The following ZNF560 variants were observed in gnomAD, a reference collection of about 807,000 sequenced individuals.
ZNF560 encodes the protein zinc finger protein 560.
ZNF560 carries 54 observed loss-of-function variants against 81.8 expected under a neutral mutation model. That is an observed-to-expected ratio of 0.66 (90% CI 0.53 to 0.83). ZNF560 has a LOEUF of 0.83. Among genes scored for constraint, ZNF560 ranks in the 40% least tolerant of loss-of-function variants. ZNF560 has a pLI of 0.00. For missense variants in ZNF560, 940 were observed against 932.4 expected (o/e 1.01, Z -0.11); for synonymous variants, 321 against 317.9 (o/e 1.01, Z -0.10).
chr19:9,492,382 G>A (rs775566081), intron 2 of ZNF560, among the ~76,000 whole-genome samples: 2 of 152,170 alleles, frequency 1.3e-5, no homozygotes, highest in Non-Finnish European at 2.9e-5. Context: ...AACTAGTAGA[G>A]AGGCAAATCC....
At chr19:9,457,641 G>A in the ZNF560 span, among the ~76,000 whole-genome samples, 1,217 of 152,244 alleles carry the variant, frequency 8.0e-3, 16 homozygotes, top group African/African-American at 0.026. Context: ...AGCTCCTGAC[G>A]CAATTCAGAC....
At chr19:9,463,646 A>G (rs559687450), downstream of ZNF560, among the ~76,000 whole-genome samples, 16 of 152,300 alleles carry the variant, frequency 1.1e-4, no homozygotes, top group African/African-American at 3.6e-4. Flanking sequence ...CCATAAGAAA[A>G]CATGTAACAT....
rs139799240 is a variant in ZNF560 at position 9,467,088 on chromosome 19, C to T, written c.1859G>A (p.Arg620Gln). ...TERSDLTKHL[R>Q]RHTGDKPYEY... ...ATAGGGCTTATCTCCAGTGTGTCTTCGTAAATGTTTAGTAAGATCTGAGCG... is the reference window on the plus strand; with the variant it reads ...ATAGGGCTTATCTCCAGTGTGTCTTTGTAAATGTTTAGTAAGATCTGAGCG... Residue 620 changes from arginine to glutamine, a missense_variant, in exon 10 of 10, where the codon CGA becomes CAA. Coordinates refer to ENST00000301480, the MANE Select transcript of ZNF560 (RefSeq NM_152476.3). The T allele has an allele frequency of 2.5e-5, 40 of 1,613,958 alleles. No homozygotes were observed. The highest frequency in any genetic ancestry group is 1.1e-4 in the African/African-American group (8 of 75,026).
Position 9,468,090 on chromosome 19 carries a change from CA to C in ZNF560, c.856del (p.Cys286ValfsTer52), listed in dbSNP as rs1225063608. The C allele has an allele frequency of 6.2e-7, 1 of 1,614,086 alleles. No homozygotes were observed. The highest frequency in any genetic ancestry group is 8.5e-7 in the Non-Finnish European group (1 of 1,180,052). On this transcript the variant is annotated frameshift_variant, in exon 10 of 10. Transcript: ENST00000301480. LOFTEE classifies it high-confidence loss of function. The part of the protein sequence containing the change: ...LILNVQVQRK[C>X]TQDKSFEGTD... Reference sequence around the variant, plus strand: ...GCCTTCAAAGGATTTATCTTGTGTACACTTTCTCTGGACCTGAACATTTAAA... The same window carrying C: ...GCCTTCAAAGGATTTATCTTGTGTACCTTTCTCTGGACCTGAACATTTAAA...
chr19:9,472,988 T>A (rs1568455117), intron 5 of ZNF560, among the ~76,000 whole-genome samples, 191 bp downstream of exon 5: 1 of 152,204 alleles, frequency 6.6e-6, no homozygotes, highest in Non-Finnish European at 1.5e-5. Flanking sequence ...TTTCTGAGGC[T>A]CTCACCTGAA....
At chr19:9,505,663 T>C in the ZNF560 span, among the ~76,000 whole-genome samples, 5 of 152,322 alleles carry the variant, frequency 3.3e-5, no homozygotes, top group Admixed American at 6.5e-5. Flanking sequence ...AACTCTCTTC[T>C]AATTTTCATT....
chr19:9,495,264 G>A (rs1402888228), intron 2 of ZNF560, among the ~76,000 whole-genome samples: 1 of 152,196 alleles, frequency 6.6e-6, no homozygotes, highest in East Asian at 1.9e-4. Flanking sequence ...ATGACTGATA[G>A]AACTGGATTC....
chr19:9,446,587 A>T, the ZNF560 span, among the ~76,000 whole-genome samples: 2 of 152,142 alleles, frequency 1.3e-5, no homozygotes, highest in African/African-American at 2.4e-5. Flanking sequence ...TTGGTAGGAT[A>T]AACAGTTTCC....
At chr19:9,483,594 CCCGCCCGG>C (rs2073334799) in intron 2 of ZNF560, among the ~76,000 whole-genome samples, 5 of 135,048 alleles carry the variant, frequency 3.7e-5, no homozygotes, top group Non-Finnish European at 5.2e-5. Context: ...GGGGTCAGCC[CCCGCCCGG>C]CCAGCCGCCC....
chr19:9,502,136 A>G (rs1330295713), upstream of ZNF560, among the ~76,000 whole-genome samples: 4 of 151,990 alleles, frequency 2.6e-5, no homozygotes, highest in Non-Finnish European at 5.9e-5. Context: ...CCTGGGTGAC[A>G]GAGCAAGATC....
In ZNF560 at chr19:9,492,995, A is replaced by G. The variant is rs1019850720; in HGVS notation, c.-57+5133T>C. ...TCATATCCATTAAACCAAGAAGAAAAAGAAAAATAAGGAGGTGAGAGGGTA... is the reference window on the plus strand; with the variant it reads ...TCATATCCATTAAACCAAGAAGAAAGAGAAAAATAAGGAGGTGAGAGGGTA... On this transcript the variant is annotated intron_variant, in intron 2 of 9. Transcript: ENST00000301480. 2.0e-5 allele frequency among the ~76,000 whole-genome samples: 3 copies of G among 152,102 alleles called. No homozygotes were observed. In the South Asian group the frequency reaches 6.2e-4, roughly 31 times the overall value.
chr19:9,483,397 G>T (rs1173806258), intron 2 of ZNF560, among the ~76,000 whole-genome samples: 48 of 141,382 alleles, frequency 3.4e-4, no homozygotes, highest in Non-Finnish European at 1.5e-5. Flanking sequence ...CAGCCGCCCC[G>T]TCTGAGAAGT....
intron 2 of ZNF560, among the ~76,000 whole-genome samples, chr19:9,480,515 TTAG>T (rs1217683023): frequency 6.6e-6 from 1 of 151,414 alleles, no homozygotes; most frequent in African/African-American, 2.4e-5. Flanking sequence ...AAGCTGAAAG[TTAG>T]TAGAAGGAAG....
the ZNF560 span, among the ~76,000 whole-genome samples, chr19:9,446,410 A>G: frequency 6.7e-6 from 1 of 149,064 alleles, no homozygotes; most frequent in African/African-American, 2.5e-5. Flanking sequence ...ACACACACAT[A>G]AAATATAGGA....
chr19:9,449,974 C>CAAAAAA, the ZNF560 span, among the ~76,000 whole-genome samples: 9 of 43,354 alleles, frequency 2.1e-4, no homozygotes, highest in African/African-American at 5.0e-4. Flanking sequence ...AACTCTGTCT[C>CAAAAAA]AAAAAAAAAA....
rs756182458 is a variant in ZNF560, at chr19:9,468,309, A to G, written c.638T>C (p.Leu213Pro). Reference protein sequence around the residue: ...QLARNQNGEELYDCKQCEDVF... With the variant: ...QLARNQNGEEPYDCKQCEDVF... ...ATCTTCACATTGCTTACAGTCATAG[A>G]GTTCCTCTCCATTTTGGTTTCTTGC... The change falls in exon 10 of 10, where the codon CTC (leucine) becomes CCC (proline). Residue 213 changes from leucine (L) to proline (P), a missense_variant. Physicochemically the swap from Leu to Pro is moderately conservative, Grantham distance 98 (BLOSUM62 -3). Coordinates refer to ENST00000301480, the MANE Select transcript of ZNF560 (RefSeq NM_152476.3). 4 of 1,600,224 alleles carry G rather than the reference A, an allele frequency of 2.5e-6. No individual in the cohort carries two copies. The highest frequency in any genetic ancestry group is 2.2e-5 in the East Asian group (1 of 44,810).
chr19:9,485,077 A>G (rs1599672000), intron 2 of ZNF560, among the ~76,000 whole-genome samples: 1 of 152,210 alleles, frequency 6.6e-6, no homozygotes, highest in East Asian at 1.9e-4. Flanking sequence ...AATAATGAAG[A>G]AGGAGACCAA....
At chr19:9,491,951 A>C (rs2144726526) in intron 2 of ZNF560, among the ~76,000 whole-genome samples, 2 of 144,554 alleles carry the variant, frequency 1.4e-5, no homozygotes, top group South Asian at 4.6e-4. Flanking sequence ...CAAAAACCAA[A>C]ACTGAATATA....
the ZNF560 span, among the ~76,000 whole-genome samples, chr19:9,459,674 G>C: frequency 6.6e-6 from 1 of 152,184 alleles, no homozygotes; most frequent in Non-Finnish European, 1.5e-5. Context: ...TGGTGAGGAC[G>C]TGTGGACATG....
Sources: gnomAD v4.1 joint callset for allele counts (sites outside exome capture counted in the v4.1 genomes callset) on GRCh38, gnomAD v4.1.1 for gene constraint, MANE v1.5 for transcripts, NCBI Gene and HGNC (gene_info 2026-07-23, HGNC 2026-07-21) for gene names.